Variants in UBE3A observed in about 807,000 individuals in gnomAD.
UBE3A encodes ubiquitin protein ligase E3A, also known as ubiquitin-protein ligase E3A.
UBE3A carries 6 observed loss-of-function variants against 83.4 expected under a neutral mutation model. That is an observed-to-expected ratio of 0.07 (90% CI 0.04 to 0.14). The LOEUF (loss-of-function observed/expected upper bound fraction) is 0.14. UBE3A is among the 10% of genes least tolerant of loss of function. The pLI is 1.00. For synonymous variants in UBE3A, 337 were observed against 355.4 expected, an observed-to-expected ratio of 0.95 and a Z score of 0.58; for missense variants, 456 against 1,036.1, an observed-to-expected ratio of 0.44 and a Z score of 7.69.
intron 1 of UBE3A, among the ~76,000 whole-genome samples, chr15:25,430,122 TAA>T (rs1316756380): frequency 5.5e-5 from 4 of 73,252 alleles, no homozygotes; most frequent in Non-Finnish European, 8.9e-5. Flanking sequence ...TACATATATA[TAA>T]GATTATATAT....
rs2152682744 is a variant in UBE3A, at chr15:25,354,396, T to C, written c.2311A>G (p.Thr771Ala). The C allele has an allele frequency of 6.2e-7, 1 of 1,613,950 alleles. No homozygotes were observed. The highest frequency in any genetic ancestry group is 2.2e-5 in the East Asian group (1 of 44,838). ...NLDFQALEET[T>A]EYDGGYTRDS... is the part of the protein sequence containing the mutation. ...CTGGTATAGCCACCGTCATATTCTGTAGTTTCTTCTAGTGCTTGGAAATCT... is the reference window on the plus strand; with the variant it reads ...CTGGTATAGCCACCGTCATATTCTGCAGTTTCTTCTAGTGCTTGGAAATCT... The change falls in exon 11 of 13, where the codon ACA becomes GCA. Residue 771 changes from threonine (T) to alanine (A), a missense_variant. Physicochemically the swap from Thr to Ala is moderately conservative, Grantham distance 58. Around this residue, in one of 13 missense-constraint regions of UBE3A, gnomAD observed 82 missense variants for 199.3 expected, o/e 0.41. Coordinates refer to ENST00000648336, the MANE Select transcript of UBE3A (RefSeq NM_130839.5).
intron 5 of UBE3A, 74 bp downstream of exon 5, chr15:25,375,391 A>G: frequency 6.6e-7 from 1 of 1,526,342 alleles, no homozygotes; most frequent in African/African-American, 1.4e-5. Flanking sequence ...GAAAAAACAA[A>G]TAAAAACTAA....
intron 1 of UBE3A, among the ~76,000 whole-genome samples, chr15:25,414,193 ATCTC>A (rs1237059061): frequency 1.3e-5 from 2 of 152,112 alleles, no homozygotes; most frequent in Non-Finnish European, 2.9e-5. Context: ...ACTCTGCCTA[ATCTC>A]ACTGTCCTGG....
At chr15:25,430,187 AT>A in intron 1 of UBE3A, among the ~76,000 whole-genome samples, 1 of 2,352 alleles carries the variant, frequency 4.3e-4, no homozygotes, top group Non-Finnish European at 8.9e-4. Flanking sequence ...TATATATATA[AT>A]ACATATATAT....
At chr15:25,410,837 G>T (rs987382680) in intron 2 of UBE3A, among the ~76,000 whole-genome samples, 1 of 152,104 alleles carries the variant, frequency 6.6e-6, no homozygotes, top group African/African-American at 2.4e-5. Flanking sequence ...CATTGCTGAG[G>T]TCATATGGGA....
chr15:25,393,485 T>A (rs1438563572), intron 4 of UBE3A, among the ~76,000 whole-genome samples: 2 of 152,186 alleles, frequency 1.3e-5, no homozygotes, highest in Non-Finnish European at 2.9e-5. Context: ...TTTTTGTTAA[T>A]CTCTTTTGGG....
At chr15:25,389,935 A>G (rs2152951564) in intron 4 of UBE3A, among the ~76,000 whole-genome samples, 1 of 152,264 alleles carries the variant, frequency 6.6e-6, no homozygotes, top group African/African-American at 2.4e-5. Flanking sequence ...CAGTGTAAGG[A>G]ACTCTTAAAA....
chr15:25,364,400 G>A (rs2078671652), intron 6 of UBE3A, among the ~76,000 whole-genome samples: 1 of 152,058 alleles, frequency 6.6e-6, no homozygotes, highest in Admixed American at 6.5e-5. Context: ...ATTTAAAAAA[G>A]ATTTAACAAA....
Position 25,338,039 on chromosome 15 carries a change from A to C in UBE3A, c.*1098T>G, listed in dbSNP as rs1435378428. On this transcript the variant is annotated 3_prime_UTR_variant, in exon 13 of 13. Transcript: ENST00000648336. ...AGCTTACTGTATGATTAAGTAACAC[A>C]AGGCACAGTAGCCATCTTTTTCATT... 1 of 152,156 alleles carries C rather than the reference A, an allele frequency of 6.6e-6. No individual in the cohort carries two copies. Among genetic ancestry groups the C allele is most frequent in the African/African-American group, 2.4e-5 (1 of 41,436 alleles). 9.4% of individuals were successfully genotyped at this position (152,156 alleles called of 1,614,324 possible). A position where few individuals can be genotyped will look rare whatever the true frequency, so the allele number is the denominator to read the frequency against.
chr15:25,388,512 T>C (rs1352150318), intron 4 of UBE3A, among the ~76,000 whole-genome samples: 2 of 152,126 alleles, frequency 1.3e-5, no homozygotes, highest in Non-Finnish European at 2.9e-5. Flanking sequence ...AACACCATCC[T>C]TAATGATGAG....
intron 1 of UBE3A, among the ~76,000 whole-genome samples, chr15:25,435,933 T>C (rs1461586877): frequency 9.9e-5 from 15 of 152,236 alleles, no homozygotes; most frequent in Admixed American, 9.8e-4. Context: ...GGAAGATTTC[T>C]AAGGTAATAC....
intron 1 of UBE3A, among the ~76,000 whole-genome samples, chr15:25,430,709 G>GA (rs1376060345): frequency 6.6e-5 from 10 of 152,068 alleles, no homozygotes; most frequent in Admixed American, 1.3e-4. Context: ...AACTGTACAT[G>GA]AAAAAACAAA....
At chr15:25,428,225 C>G (rs180766184) in intron 1 of UBE3A, among the ~76,000 whole-genome samples, 89 of 151,966 alleles carry the variant, frequency 5.9e-4, no homozygotes, top group Non-Finnish European at 1.1e-3. Context: ...TATATTTAAC[C>G]TCAATACAAA....
chr15:25,390,996 C>A (rs1417118399), intron 4 of UBE3A, among the ~76,000 whole-genome samples: 1 of 151,676 alleles, frequency 6.6e-6, no homozygotes, highest in East Asian at 1.9e-4. Flanking sequence ...AATCCTACAC[C>A]TGGGTATACT....
At chr15:25,432,324 T>C (rs1893716481) in intron 1 of UBE3A, among the ~76,000 whole-genome samples, 1 of 152,138 alleles carries the variant, frequency 6.6e-6, no homozygotes, top group South Asian at 2.1e-4. Flanking sequence ...TAAAAATATA[T>C]GAGTTGGGGT....
rs2073840467 is a variant in UBE3A at position 25,333,918 on chromosome 15, AAC to A, written c.*5217_*5218del. On this transcript the variant is annotated 3_prime_UTR_variant, in exon 13 of 13. Transcript: ENST00000648336. Reference sequence around the variant, plus strand: ...CTCCTTTTTTTTTTTTTGATTAAAAAACACTCAGTAAACTAGGTTTAATAAAA... The same window carrying A: ...CTCCTTTTTTTTTTTTTGATTAAAAAACTCAGTAAACTAGGTTTAATAAAA... 6.6e-6 allele frequency: 1 copy of A among 152,084 alleles called. No homozygotes were observed. Among genetic ancestry groups the A allele is most frequent in the Non-Finnish European group, 1.5e-5 (1 of 67,996 alleles). 9.4% of individuals were successfully genotyped at this position (152,084 alleles called of 1,614,324 possible).
chr15:25,402,972 G>A (rs550495154), intron 4 of UBE3A, among the ~76,000 whole-genome samples: 1 of 152,178 alleles, frequency 6.6e-6, no homozygotes, highest in Non-Finnish European at 1.5e-5. Flanking sequence ...ACTTTGGTCT[G>A]GCATCCCAAC....
rs2077180142 is a variant in UBE3A, at chr15:25,356,121, T to C, written c.1960-65A>G. On this transcript the variant is annotated intron_variant, in intron 8 of 12. Coordinates refer to ENST00000648336, the MANE Select transcript of UBE3A (RefSeq NM_130839.5). ...TACAAAATACAACAAATAATTTATA[T>C]CACTCTTCTTAGAAGACAACAAAAA... The C allele has an allele frequency of 4.5e-6, 7 of 1,569,176 alleles. No individual in the cohort carries two copies. The South Asian group carries it at 5.6e-5, about 12-fold the overall frequency.
chr15:25,408,565 C>T, intron 3 of UBE3A: 1 of 1,609,224 alleles, frequency 6.2e-7, no homozygotes. Flanking sequence ...GATCACAAAA[C>T]ACCCACTAAT....
Sources: gnomAD v4.1 joint callset for allele counts (sites outside exome capture counted in the v4.1 genomes callset) on GRCh38, gnomAD v4.1.1 for gene constraint, gnomAD v4.1.1 regional missense constraint, MANE v1.5 for transcripts, NCBI Gene and HGNC (gene_info 2026-07-23, HGNC 2026-07-21) for gene names.